The following DIAPH2 variants were observed in gnomAD, a reference collection of about 807,000 sequenced individuals.
DIAPH2 encodes the protein diaphanous related formin 2, also known as protein diaphanous homolog 2.
Under a neutral mutation model 92.7 loss-of-function variants are expected in DIAPH2, and 35 were observed. The observed-to-expected ratio is 0.38, with a 90% CI of 0.29 to 0.50. The LOEUF (loss-of-function observed/expected upper bound fraction) is 0.50. DIAPH2 is among the 20% of genes least tolerant of loss of function. The probability of loss-of-function intolerance (pLI) is 0.94; values close to 1 mark genes in which losing one functional copy is unlikely to be tolerated. For synonymous variants in DIAPH2, 301 were observed against 280.4 expected (o/e 1.07, Z -0.73); for missense variants, 701 against 819.5 (o/e 0.86, Z 1.77).
chrX:97,387,752 A>T (rs2069616159), intron 25 of DIAPH2, among the ~76,000 whole-genome samples: 3 of 112,168 alleles, frequency 2.7e-5, no homozygotes, highest in Non-Finnish European at 5.6e-5. Flanking sequence ...AGAGGGTGTT[A>T]AAGGACAGAA....
chrX:97,369,333 G>A (rs2069419193), intron 24 of DIAPH2, among the ~76,000 whole-genome samples: 1 of 111,257 alleles, frequency 9.0e-6, no homozygotes, highest in African/African-American at 3.3e-5. Context: ...ATATAAAATA[G>A]GGTGAGTGCA....
At chrX:96,864,019 C>T (rs748259313) in intron 4 of DIAPH2, among the ~76,000 whole-genome samples, 15 of 111,404 alleles carry the variant, frequency 1.3e-4, no homozygotes, top group Admixed American at 2.9e-4. Flanking sequence ...TATGTGATCA[C>T]GCCATTGCAC....
intron 21 of DIAPH2, among the ~76,000 whole-genome samples, chrX:97,129,883 T>A (rs1437776988): frequency 9.6e-6 from 1 of 103,805 alleles, no homozygotes; most frequent in Non-Finnish European, 2.1e-5. Flanking sequence ...TTGATATCCG[T>A]AATATATAAA....
At chrX:96,968,585 T>A (rs1363254651) in intron 17 of DIAPH2, among the ~76,000 whole-genome samples, 3 of 111,882 alleles carry the variant, frequency 2.7e-5, no homozygotes, top group Non-Finnish European at 5.6e-5. Flanking sequence ...GTTATTTGTT[T>A]TTTTGGTTGT....
At chrX:97,400,896 ATTT>A (rs781569904) in intron 25 of DIAPH2, among the ~76,000 whole-genome samples, 3 of 91,772 alleles carry the variant, frequency 3.3e-5, no homozygotes, top group Admixed American at 1.2e-4. Flanking sequence ...CATATTATTC[ATTT>A]TTTTTTTTTT....
At chrX:97,219,641 A>G (rs748630796) in intron 22 of DIAPH2, among the ~76,000 whole-genome samples, 1 of 112,108 alleles carries the variant, frequency 8.9e-6, no homozygotes, top group South Asian at 3.7e-4. Context: ...AATTCATTGA[A>G]TAAATATGAT....
intron 5 of DIAPH2, among the ~76,000 whole-genome samples, chrX:96,905,000 G>C (rs750696720): frequency 9.0e-6 from 1 of 111,026 alleles, no homozygotes; most frequent in South Asian, 3.9e-4. Flanking sequence ...TTACACATGG[G>C]AATAGAACAC....
intron 12 of DIAPH2, among the ~76,000 whole-genome samples, chrX:96,941,265 A>G (rs762309496): frequency 1.8e-5 from 2 of 111,829 alleles, no homozygotes; most frequent in African/African-American, 6.5e-5. Context: ...TGTTGAATTT[A>G]TTATCCTTTG....
chrX:97,325,944 A>G (rs1453096348), intron 23 of DIAPH2, among the ~76,000 whole-genome samples: 1 of 112,436 alleles, frequency 8.9e-6, no homozygotes, highest in Non-Finnish European at 1.9e-5. Flanking sequence ...TTCTTAATGC[A>G]TAATTCTAAG....
At chrX:97,095,543 C>T (rs1331821467) in intron 19 of DIAPH2, among the ~76,000 whole-genome samples, 3 of 108,301 alleles carry the variant, frequency 2.8e-5, no homozygotes, top group South Asian at 8.1e-4. Flanking sequence ...AGCCCCAATC[C>T]GTTTATGTGG....
intron 26 of DIAPH2, among the ~76,000 whole-genome samples, chrX:97,454,265 A>T (rs1354095463): frequency 8.9e-6 from 1 of 111,897 alleles, no homozygotes; most frequent in Non-Finnish European, 1.9e-5. Flanking sequence ...CACTGGAAGC[A>T]CTAAGACGTG....
chrX:96,733,229 G>A (rs12156976), intron 1 of DIAPH2, among the ~76,000 whole-genome samples: 36,607 of 111,219 alleles, frequency 0.33, 5,465 homozygotes, highest in South Asian at 0.5. Context: ...TATAGACTAT[G>A]TTAGAACGTG....
chrX:96,944,390 C>G (rs2065725484), intron 13 of DIAPH2, among the ~76,000 whole-genome samples: 1 of 111,469 alleles, frequency 9.0e-6, no homozygotes, highest in Non-Finnish European at 1.9e-5. Context: ...GAAAAACTAC[C>G]CATATTTAAG....
intron 21 of DIAPH2, among the ~76,000 whole-genome samples, chrX:97,133,288 T>G (rs1453344507): frequency 9.0e-6 from 1 of 111,205 alleles, no homozygotes; most frequent in African/African-American, 3.3e-5. Context: ...TTTTTCTTTT[T>G]TCTTTTTTTT....
intron 11 of DIAPH2, among the ~76,000 whole-genome samples, chrX:96,938,250 T>C (rs1393758271): frequency 8.9e-6 from 1 of 111,869 alleles, no homozygotes; most frequent in African/African-American, 3.2e-5. Context: ...GTCTTACACA[T>C]AGGTATTGGA....
At chrX:97,196,619 C>A (rs1191813315) in intron 22 of DIAPH2, among the ~76,000 whole-genome samples, 1 of 111,601 alleles carries the variant, frequency 9.0e-6, no homozygotes, top group Non-Finnish European at 1.9e-5. Flanking sequence ...TCACTCTGAC[C>A]TTTACCAACA....
At chrX:97,495,599 A>G (rs781649528) in intron 26 of DIAPH2, among the ~76,000 whole-genome samples, 1 of 112,021 alleles carries the variant, frequency 8.9e-6, no homozygotes, top group African/African-American at 3.2e-5. Context: ...AAATGATGAC[A>G]GTAAAAAATT....
chrX:96,960,666 A>C (rs1293614758), intron 16 of DIAPH2, among the ~76,000 whole-genome samples: 2 of 111,390 alleles, frequency 1.8e-5, no homozygotes, highest in Non-Finnish European at 3.8e-5. Context: ...TGAGCATCCT[A>C]GTCTTGTTCC....
intron 3 of DIAPH2, among the ~76,000 whole-genome samples, chrX:96,749,145 A>AAAATAT (rs1252042191): frequency 0.01 from 819 of 79,714 alleles, 29 homozygotes; most frequent in African/African-American, 0.04. Context: ...AAAAAAAAAA[A>AAAATAT]ATATATATAT....
Sources: gnomAD v4.1 joint callset for allele counts (sites outside exome capture counted in the v4.1 genomes callset) on GRCh38, gnomAD v4.1.1 for gene constraint, MANE v1.5 for transcripts, NCBI Gene and HGNC (gene_info 2026-07-23, HGNC 2026-07-21) for gene names.